NIM1K: variants seen among roughly 807,000 people sequenced by gnomAD.
NIM1K encodes NIM1 serine/threonine protein kinase, also known as serine/threonine-protein kinase NIM1.
NIM1K carries 35 observed loss-of-function variants against 37.1 expected under a neutral mutation model. The ratio of observed to expected loss-of-function variants is 0.94; its 90% CI spans 0.72 to 1.25. The LOEUF (loss-of-function observed/expected upper bound fraction) is 1.25, where lower values mean the gene tolerates loss of function less well. NIM1K is among the 50% of genes most tolerant of loss of function. The pLI, the probability that NIM1K is intolerant of heterozygous loss-of-function variation, is 0.00. For synonymous variants in NIM1K, 234 were observed against 206.6 expected, an observed-to-expected ratio of 1.13 and a Z score of -1.14; for missense variants, 564 against 548.0, an observed-to-expected ratio of 1.03 and a Z score of -0.29.
intron 2 of NIM1K, among the ~76,000 whole-genome samples, chr5:43,250,920 A>T (rs1004345355): frequency 6.6e-6 from 1 of 152,210 alleles, no homozygotes; most frequent in South Asian, 2.1e-4. Context: ...AGACAAATTT[A>T]TCTGAAATAC....
chr5:43,256,926 C>G (rs1227186153), intron 2 of NIM1K, among the ~76,000 whole-genome samples: 1 of 152,202 alleles, frequency 6.6e-6, no homozygotes, highest in Non-Finnish European at 1.5e-5. Context: ...CCCTCATAAA[C>G]TGCTTGCACT....
chr5:43,236,556 A>G (rs922251142), intron 1 of NIM1K, among the ~76,000 whole-genome samples: 1 of 152,266 alleles, frequency 6.6e-6, no homozygotes, highest in Non-Finnish European at 1.5e-5. Context: ...GTAAACCTGC[A>G]TTCTGGCATG....
At chr5:43,200,070 G>A (rs1394035886) in intron 1 of NIM1K, among the ~76,000 whole-genome samples, 2 of 152,140 alleles carry the variant, frequency 1.3e-5, no homozygotes, top group African/African-American at 4.8e-5. Flanking sequence ...GCAGAGACGG[G>A]GTTTCTTGGC....
At chr5:43,262,492 T>A (rs760267738) in intron 2 of NIM1K, among the ~76,000 whole-genome samples, 3 of 152,218 alleles carry the variant, frequency 2.0e-5, no homozygotes, top group Non-Finnish European at 4.4e-5. Context: ...CTTTATCAGC[T>A]TAAGGAGATT....
intron 1 of NIM1K, among the ~76,000 whole-genome samples, chr5:43,224,995 C>G (rs1752434641): frequency 6.6e-6 from 1 of 152,016 alleles, no homozygotes; most frequent in Admixed American, 6.6e-5. Context: ...CGCCTGGCCA[C>G]AAGTGGATTT....
rs529676515 is a variant in NIM1K at position 43,223,931 on chromosome 5, C to T, written c.-694-21151C>T. Among the ~76,000 whole-genome samples, 7 of 151,948 alleles carry T rather than the reference C, an allele frequency of 4.6e-5. 1 individual carries two copies. Among genetic ancestry groups the T allele is most frequent in the African/African-American group, 1.4e-4 (6 of 41,418 alleles). ...TTTAAAACACTAATTAAAGACTGTC[C>T]CTCGTTTGTTTTATTGTGCAAAAAT... On this transcript the variant is annotated intron_variant, in intron 1 of 3. Coordinates refer to ENST00000326035, the MANE Select transcript of NIM1K (RefSeq NM_153361.4).
At chr5:43,259,783 A>T (rs1330970893) in intron 2 of NIM1K, among the ~76,000 whole-genome samples, 1 of 152,072 alleles carries the variant, frequency 6.6e-6, no homozygotes, top group East Asian at 1.9e-4. Context: ...GAAGCTTTTC[A>T]GTTTAATGAG....
intron 1 of NIM1K, among the ~76,000 whole-genome samples, chr5:43,240,964 G>C (rs542774472): frequency 2.0e-5 from 3 of 152,012 alleles, no homozygotes; most frequent in Non-Finnish European, 4.4e-5. Flanking sequence ...TTGCACATGT[G>C]TGCAAAGAGA....
chr5:43,214,285 A>T (rs1752265178), intron 1 of NIM1K, among the ~76,000 whole-genome samples: 1 of 151,226 alleles, frequency 6.6e-6, no homozygotes, highest in Non-Finnish European at 1.5e-5. Flanking sequence ...TCTCTGTTGT[A>T]ATTATAAGTA....
intron 1 of NIM1K, among the ~76,000 whole-genome samples, chr5:43,213,225 CCTTCTTTTCTTCCT>C (rs1752240786): frequency 2.0e-4 from 15 of 76,024 alleles, no homozygotes; most frequent in Admixed American, 1.3e-4. Context: ...TTCTTTCTTT[CCTTCTTTTCTTCCT>C]TTCTTTCTTT....
At chr5:43,220,335 T>C (rs1417496702) in intron 1 of NIM1K, among the ~76,000 whole-genome samples, 3 of 148,238 alleles carry the variant, frequency 2.0e-5, no homozygotes, top group Non-Finnish European at 4.5e-5. Context: ...ACCCAGGCTA[T>C]AGTGCGGTGG....
intron 2 of NIM1K, among the ~76,000 whole-genome samples, chr5:43,255,714 A>G (rs1752933089): frequency 6.7e-6 from 1 of 149,690 alleles, no homozygotes; most frequent in South Asian, 2.1e-4. Flanking sequence ...GTGCCACTGT[A>G]CTCCAGCCTG....
chr5:43,250,247 T>TTATGTGTATATATTATCTATA (rs1752849251), intron 2 of NIM1K, among the ~76,000 whole-genome samples: 1 of 152,110 alleles, frequency 6.6e-6, no homozygotes, highest in Non-Finnish European at 1.5e-5. Context: ...TAAAATATAT[T>TTATGTGTATATATTATCTATA]TATGTGTATA....
intron 1 of NIM1K, among the ~76,000 whole-genome samples, chr5:43,204,483 C>T (rs573553649): frequency 3.8e-4 from 58 of 151,158 alleles, no homozygotes; most frequent in African/African-American, 1.4e-3. Flanking sequence ...GGGTGGATCA[C>T]CTGAGGTCAG....
At position 43,280,087 on chromosome 5, in the gene NIM1K, A is replaced by T. The variant is rs147238175; in HGVS notation, c.669A>T (p.Lys223Asn). Residue 223 changes from lysine (K) to asparagine (N), a missense_variant, in exon 4 of 4, where the codon AAA becomes AAT. By Grantham distance (94) the Lys-to-Asn change is moderately conservative (BLOSUM62 0). Coordinates refer to ENST00000326035, the MANE Select transcript of NIM1K (RefSeq NM_153361.4). ...TTGGATTCAGCACAGTAAGCAAAAA[A>T]GGTGAAATGCTGAACACTTTCTGTG... ...GDFGFSTVSK[K>N]GEMLNTFCGS... 5 of 1,614,202 alleles carry T rather than the reference A, an allele frequency of 3.1e-6. No individual in the cohort carries two copies. The African/African-American group carries it at 5.3e-5, about 17-fold the overall frequency.
chr5:43,233,347 C>G (rs1213317073), intron 1 of NIM1K, among the ~76,000 whole-genome samples: 2 of 151,962 alleles, frequency 1.3e-5, no homozygotes, highest in East Asian at 3.8e-4. Flanking sequence ...CCTCTTGTCC[C>G]TAACAACTGC....
chr5:43,260,689 C>A (rs1174301560), intron 2 of NIM1K, among the ~76,000 whole-genome samples: 1 of 151,852 alleles, frequency 6.6e-6, no homozygotes, highest in Non-Finnish European at 1.5e-5. Context: ...TATACATGTG[C>A]CATATTGGTG....
chr5:43,239,436 C>A (rs1226395988), intron 1 of NIM1K, among the ~76,000 whole-genome samples: 1 of 152,024 alleles, frequency 6.6e-6, no homozygotes, highest in Non-Finnish European at 1.5e-5. Flanking sequence ...GTCTGGGTTT[C>A]ACTATGTTGG....
intron 2 of NIM1K, among the ~76,000 whole-genome samples, chr5:43,273,954 A>G (rs1753299541): frequency 6.6e-6 from 1 of 152,156 alleles, no homozygotes; most frequent in African/African-American, 2.4e-5. Flanking sequence ...GTGCTCATTG[A>G]ACATTTATTG....
Sources: allele counts gnomAD v4.1 joint callset (sites outside exome capture counted in the v4.1 genomes callset), GRCh38; gene constraint gnomAD v4.1.1; transcripts MANE v1.5; gene names NCBI Gene and HGNC (gene_info 2026-07-23, HGNC 2026-07-21).